NT5DC1: variants seen among roughly 807,000 people sequenced by gnomAD.
NT5DC1 encodes 5'-nucleotidase domain-containing protein 1.
A neutral mutation model predicts 59.4 loss-of-function variants in NT5DC1; 42 were observed. The ratio of observed to expected loss-of-function variants is 0.71; its 90% CI spans 0.55 to 0.92. The LOEUF (loss-of-function observed/expected upper bound fraction) is 0.92, where lower values mean the gene tolerates loss of function less well. Among genes scored for constraint, NT5DC1 ranks in the 40% least tolerant of loss-of-function variants. The pLI, the probability that NT5DC1 is intolerant of heterozygous loss-of-function variation, is 0.00. For synonymous variants in NT5DC1, 172 were observed against 188.1 expected, an observed-to-expected ratio of 0.91 and a Z score of 0.70; for missense variants, 501 against 537.1, an observed-to-expected ratio of 0.93 and a Z score of 0.66.
Position 116,221,150 on chromosome 6 carries a change from A to C in NT5DC1, c.626A>C (p.Lys209Thr), listed in dbSNP as rs1418158194. ...GTGAAAAAATGGCTTCGACAGCTAA[A>C]GAATGCTGGGAAAATTCTTCTGTTA... ...ESVKKWLRQL[K>T]NAGKILLLIT... The change falls in exon 7 of 12, where the codon AAG becomes ACG. Residue 209 changes from lysine to threonine, a missense_variant. Coordinates refer to ENST00000319550, the MANE Select transcript of NT5DC1 (RefSeq NM_152729.3). 1.9e-6 allele frequency: 3 copies of C among 1,589,432 alleles called. No individual in the cohort carries two copies. The African/African-American group carries it at 4.0e-5, about 21-fold the overall frequency.
chr6:116,209,231 G>A (rs1330781534), intron 6 of NT5DC1, among the ~76,000 whole-genome samples: 1 of 151,914 alleles, frequency 6.6e-6, no homozygotes, highest in Non-Finnish European at 1.5e-5. Context: ...GGCACCAAGA[G>A]ACAAAATCAA....
intron 6 of NT5DC1, among the ~76,000 whole-genome samples, chr6:116,172,303 T>A (rs1036519927): frequency 6.7e-6 from 1 of 149,842 alleles, no homozygotes; most frequent in Non-Finnish European, 1.5e-5. Flanking sequence ...CATTTTAGTA[T>A]AACCCCTTAG....
chr6:116,247,317 A>G lies in NT5DC1; in HGVS notation c.*3293A>G, dbSNP rs918618296. 1 of 152,190 alleles carries G rather than the reference A, an allele frequency of 6.6e-6. No individual in the cohort carries two copies. The highest frequency in any genetic ancestry group is 6.5e-5 in the Admixed American group (1 of 15,278). 9.4% of individuals were successfully genotyped at this position (152,190 alleles called of 1,614,324 possible). ...TATAAAACTTACCTAGGAAAGTAAA[A>G]TAGAGATCCAAGAATCAGGAGTCCT... is the stretch of plus-strand genomic sequence containing the variant. On this transcript the variant is annotated 3_prime_UTR_variant, in exon 12 of 12. Transcript: ENST00000319550.
At chr6:116,221,678 G>C (rs1781809400) in intron 7 of NT5DC1, among the ~76,000 whole-genome samples, 1 of 152,190 alleles carries the variant, frequency 6.6e-6, no homozygotes, top group African/African-American at 2.4e-5. Flanking sequence ...TCATGAGAAT[G>C]AAGGCAGTAT....
At chr6:116,154,816 G>A (rs192998727) in intron 6 of NT5DC1, among the ~76,000 whole-genome samples, 1 of 152,164 alleles carries the variant, frequency 6.6e-6, no homozygotes, top group Non-Finnish European at 1.5e-5. Context: ...CTTAGCAGAG[G>A]CATCTTGTTA....
At chr6:116,104,465 A>G (rs9488835) in intron 1 of NT5DC1, among the ~76,000 whole-genome samples, 2,887 of 152,308 alleles carry the variant, frequency 0.019, 89 homozygotes, top group African/African-American at 0.065. Context: ...TAAGGTGTAC[A>G]ATAGCTGGCT....
intron 6 of NT5DC1, among the ~76,000 whole-genome samples, chr6:116,201,590 G>C (rs1781347871): frequency 6.6e-6 from 1 of 151,990 alleles, no homozygotes; most frequent in East Asian, 1.9e-4. Flanking sequence ...TAAAAGTCTT[G>C]GTTAATATAA....
intron 6 of NT5DC1, among the ~76,000 whole-genome samples, chr6:116,130,811 C>A (rs1479540864): frequency 3.3e-5 from 5 of 151,980 alleles, no homozygotes; most frequent in Admixed American, 3.3e-4. Context: ...TATAGTTATT[C>A]ATTTGTTTAT....
intron 6 of NT5DC1, among the ~76,000 whole-genome samples, chr6:116,152,364 T>C (rs1780064132): frequency 6.6e-6 from 1 of 152,154 alleles, no homozygotes; most frequent in African/African-American, 2.4e-5. Context: ...GGCCTCTGCT[T>C]TTCACCGTGA....
At chr6:116,202,201 T>C (rs1336462650) in intron 6 of NT5DC1, among the ~76,000 whole-genome samples, 2 of 151,978 alleles carry the variant, frequency 1.3e-5, no homozygotes, top group Non-Finnish European at 2.9e-5. Context: ...TGATGCAGGC[T>C]CCCCTACCTT....
intron 8 of NT5DC1, among the ~76,000 whole-genome samples, chr6:116,229,597 T>G (rs1055332477): frequency 1.3e-5 from 2 of 152,156 alleles, no homozygotes; most frequent in Non-Finnish European, 2.9e-5. Flanking sequence ...CTGTTCTCTA[T>G]CACGTGCAGT....
rs961871028 is a variant in NT5DC1 at position 116,247,260 on chromosome 6, A to G, written c.*3236A>G. 1 of 152,240 alleles carries G rather than the reference A, an allele frequency of 6.6e-6. No homozygotes were observed. The highest frequency in any genetic ancestry group is 2.4e-5 in the African/African-American group (1 of 41,470). 9.4% of individuals were successfully genotyped at this position (152,240 alleles called of 1,614,324 possible). A position where few individuals can be genotyped will look rare whatever the true frequency, so the allele number is the denominator to read the frequency against. The stretch of plus-strand genomic sequence containing the variant: ...CACAGCCTCTATCTTTAAGTAATTC[A>G]TAATTTAGCCAAATATATTAAATAT... On this transcript the variant is annotated 3_prime_UTR_variant, in exon 12 of 12. Transcript: ENST00000319550.
At chr6:116,149,694 G>A (rs1222236228) in intron 6 of NT5DC1, among the ~76,000 whole-genome samples, 1 of 152,202 alleles carries the variant, frequency 6.6e-6, no homozygotes, top group Non-Finnish European at 1.5e-5. Flanking sequence ...ACTTAGTGTT[G>A]ATGCACCAAA....
At chr6:116,121,299 C>G (rs1208427941) in intron 6 of NT5DC1, 1 of 1,614,038 alleles carries the variant, frequency 6.2e-7, no homozygotes, top group South Asian at 1.1e-5. Flanking sequence ...CCTGGCTGGC[C>G]TGGGGCTCCA....
chr6:116,209,118 T>C (rs1409125072), intron 6 of NT5DC1, among the ~76,000 whole-genome samples: 4 of 152,046 alleles, frequency 2.6e-5, no homozygotes, highest in Non-Finnish European at 5.9e-5. Context: ...ATATAACTAA[T>C]TGTATTTTTA....
At chr6:116,147,552 A>T (rs1444073180) in intron 6 of NT5DC1, among the ~76,000 whole-genome samples, 1 of 152,244 alleles carries the variant, frequency 6.6e-6, no homozygotes, top group Non-Finnish European at 1.5e-5. Flanking sequence ...AGTTCATTTT[A>T]AAAAGTATTT....
At chr6:116,177,230 A>G (rs989157028) in intron 6 of NT5DC1, among the ~76,000 whole-genome samples, 2 of 152,180 alleles carry the variant, frequency 1.3e-5, no homozygotes, top group Non-Finnish European at 2.9e-5. Flanking sequence ...CTCATAGATT[A>G]TGTTTCTTTG....
chr6:116,128,341 A>G (rs1220867084), intron 6 of NT5DC1, among the ~76,000 whole-genome samples: 1 of 152,032 alleles, frequency 6.6e-6, no homozygotes, highest in Non-Finnish European at 1.5e-5. Flanking sequence ...TTCTAGCCAC[A>G]CCCCACCCAA....
At chr6:116,113,661 T>C (rs1048970187) in intron 4 of NT5DC1, among the ~76,000 whole-genome samples, 1 of 152,214 alleles carries the variant, frequency 6.6e-6, no homozygotes, top group Admixed American at 6.5e-5. Flanking sequence ...GACCTTAGCC[T>C]CTTGCATTGT....
Sources: allele counts gnomAD v4.1 joint callset (sites outside exome capture counted in the v4.1 genomes callset), GRCh38; gene constraint gnomAD v4.1.1; transcripts MANE v1.5; gene names NCBI Gene and HGNC (gene_info 2026-07-23, HGNC 2026-07-21).